Variants in ASPG observed in about 807,000 individuals in gnomAD.
ASPG encodes 60 kDa lysophospholipase.
ASPG carries 53 observed loss-of-function variants against 63.2 expected under a neutral mutation model. The observed-to-expected ratio is 0.84, with a 90% CI of 0.67 to 1.05. The LOEUF (loss-of-function observed/expected upper bound fraction) is 1.05, where lower values mean the gene tolerates loss of function less well. Among genes scored for constraint, ASPG ranks in the 50% least tolerant of loss-of-function variants. The pLI is 0.00. For synonymous variants in ASPG, 370 were observed against 355.0 expected (o/e 1.04, Z -0.48); for missense variants, 741 against 794.4 (o/e 0.93, Z 0.81).
At chr14:104,111,685 T>G in intron 14 of ASPG, 84 bp downstream of exon 14, 1 of 1,175,438 alleles carries the variant, frequency 8.5e-7, no homozygotes, top group Non-Finnish European at 1.2e-6. Context: ...CTCACTGCTC[T>G]GCCCCTCCCC....
intron 2 of ASPG, 51 bp downstream of exon 2, chr14:104,092,792 A>T: frequency 6.8e-7 from 1 of 1,464,720 alleles, no homozygotes; most frequent in Non-Finnish European, 9.2e-7. Context: ...GCTGAGGGGC[A>T]CCGATCCTGA....
intron 3 of ASPG, 85 bp downstream of exon 3, chr14:104,093,687 G>T: frequency 9.5e-7 from 1 of 1,050,088 alleles, no homozygotes. Flanking sequence ...GTGTGGGTGG[G>T]GCTGTGGAGA....
intron 6 of ASPG, among the ~76,000 whole-genome samples, chr14:104,099,564 G>A (rs1405435070): frequency 6.6e-6 from 1 of 152,198 alleles, no homozygotes; most frequent in Non-Finnish European, 1.5e-5. Context: ...CTGCCCGGAA[G>A]TCACTCCCTG....
chr14:104,086,909 T>C (rs1396860465), intron 1 of ASPG, among the ~76,000 whole-genome samples: 2 of 152,158 alleles, frequency 1.3e-5, no homozygotes, highest in African/African-American at 4.8e-5. Flanking sequence ...TCCCCTGGCA[T>C]GACCAGAACA....
chr14:104,112,578 C>G lies in ASPG; in HGVS notation c.*34C>G. The G allele has an allele frequency of 6.2e-7, 1 of 1,608,074 alleles. No individual in the cohort carries two copies. Among genetic ancestry groups the G allele is most frequent in the Non-Finnish European group, 8.5e-7 (1 of 1,178,456 alleles). On this transcript the variant is annotated 3_prime_UTR_variant, in exon 16 of 16. Coordinates refer to ENST00000551177, the MANE Select transcript of ASPG (RefSeq NM_001080464.3). Reference sequence around the variant, plus strand: ...CGTCCTGCTGCAGTATAAGCCATTCCTTCCTCCCATGACCTGCTGGAGGGG... The same window carrying G: ...CGTCCTGCTGCAGTATAAGCCATTCGTTCCTCCCATGACCTGCTGGAGGGG...
chr14:104,112,554 G>A lies in ASPG; in HGVS notation c.*10G>A, dbSNP rs751597865. ...GCTGCCTGGTGTCTAACCTGAAGGC[G>A]TCCTGCTGCAGTATAAGCCATTCCT... On this transcript the variant is annotated 3_prime_UTR_variant, in exon 16 of 16. Transcript: ENST00000551177. The A allele has an allele frequency of 3.8e-5, 61 of 1,601,916 alleles. No homozygotes were observed. The Admixed American group carries it at 8.2e-4, about 21-fold the overall frequency.
Position 104,110,502 on chromosome 14 carries a change from G to A in ASPG, c.1521-1000G>A. ...GAACCCTGGTCCAGGACTCTGCTTG[G>A]AAGTGGCCTGGCCAGCCTGAGCTGC... On this transcript the variant is annotated intron_variant, in intron 13 of 15. Transcript: ENST00000551177. This position sits in a 1 kb window ranked among gnomAD's most constrained non-coding sequence, Gnocchi z 4.7. 1.0e-6 allele frequency: 1 copy of A among 985,306 alleles called. No homozygotes were observed. The allele number at this position is 985,306 out of a possible 1,614,324, so 61.0% of individuals were successfully genotyped here.
intron 1 of ASPG, among the ~76,000 whole-genome samples, chr14:104,087,719 A>T (rs1204148105): frequency 1.3e-5 from 2 of 152,078 alleles, no homozygotes; most frequent in Non-Finnish European, 1.5e-5. Flanking sequence ...TGAGCTCAAC[A>T]TGTAGTTCTT....
chr14:104,094,268 C>T (rs1035218442), intron 3 of ASPG, among the ~76,000 whole-genome samples: 3 of 151,978 alleles, frequency 2.0e-5, no homozygotes, highest in South Asian at 2.1e-4. Context: ...GATGCTACCT[C>T]GAGGGCCAGC....
At chr14:104,092,251 A>T (rs2036390066) in intron 1 of ASPG, among the ~76,000 whole-genome samples, 1 of 152,176 alleles carries the variant, frequency 6.6e-6, no homozygotes, top group South Asian at 2.1e-4. Context: ...GGCAGAGCCC[A>T]CAGTATATCC....
rs201325717 is a variant in ASPG at position 104,092,711 on chromosome 14, G to A, written c.161G>A (p.Arg54His). 1,883 of 1,536,268 alleles carry A rather than the reference G, an allele frequency of 1.2e-3. 16 individuals are homozygous for A. The highest frequency in any genetic ancestry group is 2.0e-3 in the South Asian group (170 of 83,860). The change falls in exon 2 of 16, where the codon CGC becomes CAC. Residue 54 changes from arginine to histidine, a missense_variant. Arg to His is a conservative substitution (Grantham distance 29). Coordinates refer to ENST00000551177, the MANE Select transcript of ASPG (RefSeq NM_001080464.3). The part of the protein sequence containing the change: ...MFHDEEHARA[R>H]GLSEDTLVLP... ...CATGACGAGGAGCACGCCCGAGCCC[G>A]CGGCCTCTCTGAGGACACCCTGGTG...
rs765486720 is a variant in ASPG at position 104,098,975 on chromosome 14, C to T, written c.636C>T (p.Ile212=). ...CTCTGGCCACAGTGGGTGCTGACATCACAAGTAAGCCCCGCAGGAGCAGGG... is the reference window on the plus strand; with the variant it reads ...CTCTGGCCACAGTGGGTGCTGACATTACAAGTAAGCCCCGCAGGAGCAGGG... ...LLPLATVGAD[I]TINRELVRKV... is the part of the protein sequence containing the mutation. Residue 212 remains isoleucine, a synonymous_variant, in exon 6 of 16, where the codon ATC becomes ATT. Coordinates refer to ENST00000551177, the MANE Select transcript of ASPG (RefSeq NM_001080464.3). 5.7e-6 allele frequency: 9 copies of T among 1,589,276 alleles called. No homozygotes were observed. In the East Asian group the frequency reaches 1.8e-4, roughly 32 times the overall value.
At chr14:104,105,299 A>G (rs1183047756) in intron 9 of ASPG, 29 bp from the exon 10 acceptor site, 8 of 1,612,536 alleles carry the variant, frequency 5.0e-6, no homozygotes, top group Non-Finnish European at 6.8e-6. Context: ...GCCCTGGCAG[A>G]GCCACTTCAC....
In ASPG at chr14:104,109,574, G is replaced by A. The variant is rs1299023362; in HGVS notation, c.1520+259G>A. Reference sequence around the variant, plus strand: ...TGTCTCTGTGTGCACATGTGTGCATGTGTGTATGCATGTGTGTGGGTGCAT... The same window carrying A: ...TGTCTCTGTGTGCACATGTGTGCATATGTGTATGCATGTGTGTGGGTGCAT... On this transcript the variant is annotated intron_variant, in intron 13 of 15. Coordinates refer to ENST00000551177, the MANE Select transcript of ASPG (RefSeq NM_001080464.3). The surrounding 1 kb of genome is among the most constrained non-coding windows in gnomAD (Gnocchi z 4.8). Among the ~76,000 whole-genome samples, 1 of 150,718 alleles carries A rather than the reference G, an allele frequency of 6.6e-6. No individual in the cohort carries two copies. Among genetic ancestry groups the A allele is most frequent in the African/African-American group, 2.5e-5 (1 of 40,732 alleles).
chr14:104,111,749 T>G, intron 14 of ASPG, 148 bp downstream of exon 14: 1 of 894,506 alleles, frequency 1.1e-6, no homozygotes. Flanking sequence ...CCGCACAGAC[T>G]GGGTCCCCTT....
At position 104,114,888 on chromosome 14, in the gene ASPG, G is replaced by T. The variant is rs954581856; in HGVS notation, c.*2344G>T. On this transcript the variant is annotated 3_prime_UTR_variant, in exon 16 of 16. Transcript: ENST00000551177. ...CTGCGTTGGCACAGGGCAGAGCTGG[G>T]CTGTGAATCAGGGCCGCCTTGTCTC... 2 of 152,278 alleles carry T rather than the reference G, an allele frequency of 1.3e-5. No individual in the cohort carries two copies. Among genetic ancestry groups the T allele is most frequent in the Non-Finnish European group, 2.9e-5 (2 of 68,076 alleles). 9.4% of individuals were successfully genotyped at this position (152,278 alleles called of 1,614,324 possible).
intron 13 of ASPG, among the ~76,000 whole-genome samples, 157 bp from the exon 14 acceptor site, chr14:104,111,345 C>T (rs1378921657): frequency 6.6e-6 from 1 of 152,180 alleles, no homozygotes; most frequent in Non-Finnish European, 1.5e-5. Flanking sequence ...TGCCCGATGG[C>T]CCCCAGTGAC....
chr14:104,093,169 C>T (rs1744282), intron 2 of ASPG: 127,257 of 505,982 alleles, frequency 0.25, 21,223 homozygotes, highest in African/African-American at 0.59. Flanking sequence ...CTGACCACCA[C>T]AGCCGCCACA....
chr14:104,112,290 C>T (rs1006532464), intron 15 of ASPG, among the ~76,000 whole-genome samples: 1 of 152,062 alleles, frequency 6.6e-6, no homozygotes, highest in Non-Finnish European at 1.5e-5. Flanking sequence ...CCACCCCTGC[C>T]CCTGCGCCCT....
Sources: allele counts gnomAD v4.1 joint callset (sites outside exome capture counted in the v4.1 genomes callset), GRCh38; gene constraint gnomAD v4.1.1; non-coding constraint Gnocchi (gnomAD v3.1); transcripts MANE v1.5; gene names NCBI Gene and HGNC (gene_info 2026-07-23, HGNC 2026-07-21).